The following CD109 variants were observed in gnomAD, a reference collection of about 807,000 sequenced individuals.
CD109 encodes the protein CD109 antigen.
In CD109, 149 loss-of-function variants were observed where a neutral mutation model predicts 165.8. The observed-to-expected ratio is 0.90, with a 90% confidence interval of 0.79 to 1.03. The LOEUF is 1.03. Among genes scored for constraint, CD109 ranks in the 50% least tolerant of loss-of-function variants. CD109 has a pLI of 0.00. For synonymous variants in CD109, 585 were observed against 592.1 expected (o/e 0.99, Z 0.18); for missense variants, 1,712 against 1,677.8 (o/e 1.02, Z -0.36).
chr6:73,736,386 C>A lies in CD109; in HGVS notation c.511C>A (p.Pro171Thr). ...ACATGTCTGGTTTTCATTTTAGGAC[C>A]CCAAATCAAATTTGATCCAACAGTG... ...KTSLNILIKD[P>T]KSNLIQQWLS... Residue 171 changes from proline to threonine, a missense_variant, in exon 5 of 33, where the codon CCC (proline) becomes ACC (threonine). By Grantham distance (38) the Pro-to-Thr change is conservative (BLOSUM62 -1). Coordinates refer to ENST00000287097, the MANE Select transcript of CD109 (RefSeq NM_133493.5). 6.2e-7 allele frequency: 1 copy of A among 1,612,922 alleles called. No homozygotes were observed. Among genetic ancestry groups the A allele is most frequent in the African/African-American group, 1.3e-5 (1 of 74,946 alleles).
the CD109 span, among the ~76,000 whole-genome samples, chr6:73,688,591 T>C: frequency 6.6e-6 from 1 of 152,054 alleles, no homozygotes; most frequent in Non-Finnish European, 1.5e-5. Context: ...GGCTGCTGGA[T>C]AGAGGCTGGT....
chr6:73,746,445 G>T (rs1772987052), intron 5 of CD109, among the ~76,000 whole-genome samples: 1 of 152,154 alleles, frequency 6.6e-6, no homozygotes, highest in South Asian at 2.1e-4. Context: ...TTGCTCCCTT[G>T]CTTGAGATAG....
intron 4 of CD109, among the ~76,000 whole-genome samples, chr6:73,735,529 T>C (rs1173838791): frequency 1.3e-5 from 2 of 152,026 alleles, no homozygotes; most frequent in African/African-American, 2.4e-5. Context: ...AGTTAAAATG[T>C]CAGGAAATGT....
chr6:73,690,136 T>C, the CD109 span, among the ~76,000 whole-genome samples: 4 of 152,242 alleles, frequency 2.6e-5, no homozygotes, highest in South Asian at 2.1e-4. Flanking sequence ...TATTTCATTA[T>C]GTACATCTAT....
chr6:73,729,737 C>T (rs112624912), intron 3 of CD109, among the ~76,000 whole-genome samples: 3,335 of 152,060 alleles, frequency 0.022, 69 homozygotes, highest in Non-Finnish European at 0.034. Flanking sequence ...TGGTCTCAAA[C>T]TCCTGACCTC....
intron 5 of CD109, among the ~76,000 whole-genome samples, chr6:73,744,707 G>A (rs867900226): frequency 6.6e-6 from 1 of 152,174 alleles, no homozygotes; most frequent in South Asian, 2.1e-4. Flanking sequence ...ATTTTCATGA[G>A]GAGTTCTTTG....
At chr6:73,736,276 A>G in intron 4 of CD109, 107 bp from the exon 5 acceptor site, 8 of 1,200,478 alleles carry the variant, frequency 6.7e-6, no homozygotes, top group Non-Finnish European at 9.2e-6. Flanking sequence ...TTTGGAGTAA[A>G]GTTCTGGACC....
intron 5 of CD109, among the ~76,000 whole-genome samples, chr6:73,747,434 C>T (rs181811066): frequency 1.3e-5 from 2 of 152,222 alleles, no homozygotes; most frequent in East Asian, 3.9e-4. Flanking sequence ...TCTTCTTGGT[C>T]ACTTTCGTCA....
chr6:73,809,011 C>T (rs1038341959), intron 26 of CD109, among the ~76,000 whole-genome samples: 6 of 152,048 alleles, frequency 3.9e-5, no homozygotes, highest in African/African-American at 1.4e-4. Context: ...GTTACCTATT[C>T]CAAAGCTGGG....
intron 5 of CD109, among the ~76,000 whole-genome samples, chr6:73,749,999 C>T (rs1399554209): frequency 1.3e-5 from 2 of 152,074 alleles, no homozygotes; most frequent in Non-Finnish European, 2.9e-5. Context: ...AACAAATATA[C>T]GAATACCTTC....
At chr6:73,809,888 G>T (rs1032398766) in intron 26 of CD109, 96 bp from the exon 27 acceptor site, 3 of 881,930 alleles carry the variant, frequency 3.4e-6, no homozygotes, top group Non-Finnish European at 3.4e-6. Context: ...TTTTATGCTA[G>T]TTAAGTACAA....
At chr6:73,687,873 A>C in the CD109 span, among the ~76,000 whole-genome samples, 1 of 152,212 alleles carries the variant, frequency 6.6e-6, no homozygotes, top group Non-Finnish European at 1.5e-5. Context: ...GAGAAACACA[A>C]AGTGGGAACT....
At chr6:73,745,481 G>A (rs555800770) in intron 5 of CD109, among the ~76,000 whole-genome samples, 2 of 152,236 alleles carry the variant, frequency 1.3e-5, no homozygotes, top group Middle Eastern at 3.4e-3. Flanking sequence ...TGCATTGGTG[G>A]AGAAGATACC....
intron 24 of CD109, 68 bp from the exon 25 acceptor site, chr6:73,806,776 C>A: frequency 9.3e-7 from 1 of 1,078,102 alleles, no homozygotes. Flanking sequence ...TGTTGTTTTG[C>A]TTGCTCGGTG....
In CD109 at chr6:73,763,645, A is replaced by C. The variant is rs1263416348; in HGVS notation, c.1067A>C (p.Tyr356Ser). ...GATTACATCATTGAGTTTTTTGATT[A>C]TACTACTGTCTTGAAGCCATCTCTC... Reference protein sequence around the residue: ...QHDYIIEFFDYTTVLKPSLNF... With the variant: ...QHDYIIEFFDSTTVLKPSLNF... The change falls in exon 10 of 33, where the codon TAT becomes TCT. Residue 356 changes from tyrosine (Y) to serine (S), a missense_variant. Coordinates refer to ENST00000287097, the MANE Select transcript of CD109 (RefSeq NM_133493.5). 6.3e-7 allele frequency: 1 copy of C among 1,593,742 alleles called. No individual in the cohort carries two copies. The highest frequency in any genetic ancestry group is 1.2e-5 in the South Asian group (1 of 86,360).
In CD109 at chr6:73,781,296, C is replaced by T. The variant is rs779599680; in HGVS notation, c.1940C>T (p.Thr647Met). 74 of 1,612,902 alleles carry T rather than the reference C, an allele frequency of 4.6e-5. No individual in the cohort carries two copies. The highest frequency in any genetic ancestry group is 5.2e-5 in the Non-Finnish European group (61 of 1,179,290). ...GLWVLTDANL[T>M]KDYIDGVYDN... The stretch of plus-strand genomic sequence containing the variant: ...TGGGTATTGACAGATGCAAACCTCA[C>T]GAAGGATTATATTGATGGTGTTTGT... The change falls in exon 17 of 33, where the codon ACG (threonine) becomes ATG (methionine). Residue 647 changes from threonine (T) to methionine (M), a missense_variant. Transcript: ENST00000287097.
Position 73,736,487 on chromosome 6 carries a change from G to T in CD109, c.612G>T (p.Trp204Cys), listed in dbSNP as rs1365563652. ...QLSSHPILGD[W>C]SIQVQVNDQT... ...CTTCCCATCCAATACTTGGTGACTGGTCTATTCAAGTTCAAGTGAATGTGA... is the reference window on the plus strand; with the variant it reads ...CTTCCCATCCAATACTTGGTGACTGTTCTATTCAAGTTCAAGTGAATGTGA... Residue 204 changes from tryptophan to cysteine, a missense_variant, in exon 5 of 33, where the codon TGG (tryptophan) becomes TGT (cysteine). Transcript: ENST00000287097. 6.2e-7 allele frequency: 1 copy of T among 1,612,516 alleles called. No homozygotes were observed. Among genetic ancestry groups the T allele is most frequent in the Non-Finnish European group, 8.5e-7 (1 of 1,179,390 alleles).
chr6:73,816,070 A>C (rs1775925011), intron 30 of CD109, among the ~76,000 whole-genome samples: 2 of 152,122 alleles, frequency 1.3e-5, no homozygotes, highest in Non-Finnish European at 2.9e-5. Context: ...GCCAGCCTTC[A>C]CAGCTATTGC....
intron 2 of CD109, 103 bp downstream of exon 2, chr6:73,697,675 GT>G (rs2150142678): frequency 1.1e-6 from 1 of 900,760 alleles, no homozygotes; most frequent in East Asian, 2.5e-5. Flanking sequence ...CAAATTTGCA[GT>G]ATCTTACCTA....
Sources: allele counts gnomAD v4.1 joint callset (sites outside exome capture counted in the v4.1 genomes callset), GRCh38; gene constraint gnomAD v4.1.1; transcripts MANE v1.5; gene names NCBI Gene and HGNC (gene_info 2026-07-23, HGNC 2026-07-21).